MASP1: variants seen among roughly 807,000 people sequenced by gnomAD.
The protein encoded by MASP1 is mannan-binding lectin serine protease 1.
In MASP1, 59 loss-of-function variants were observed where a neutral mutation model predicts 77.1. The observed-to-expected ratio is 0.77, with a 90% confidence interval of 0.62 to 0.95. MASP1 has a LOEUF of 0.95. Ranked by LOEUF, MASP1 falls within the 40% of genes least tolerant of loss-of-function variation. The probability of loss-of-function intolerance (pLI) is 0.00; values close to 1 mark genes in which losing one functional copy is unlikely to be tolerated. For synonymous variants in MASP1, 362 were observed against 354.5 expected (o/e 1.02, Z -0.24); for missense variants, 885 against 912.9 (o/e 0.97, Z 0.39).
At chr3:187,286,497 G>T (rs919458440) in intron 1 of MASP1, among the ~76,000 whole-genome samples, 1 of 152,126 alleles carries the variant, frequency 6.6e-6, no homozygotes, top group Non-Finnish European at 1.5e-5. Flanking sequence ...CAGATTTAAC[G>T]TTGAAAATGG....
intron 2 of MASP1, among the ~76,000 whole-genome samples, chr3:187,264,375 T>C (rs1715842540): frequency 6.6e-6 from 1 of 152,190 alleles, no homozygotes; most frequent in Non-Finnish European, 1.5e-5. Flanking sequence ...GTCACTTCCT[T>C]GAACCTCCCA....
intron 11 of MASP1, among the ~76,000 whole-genome samples, chr3:187,226,924 T>C (rs1178605477): frequency 2.6e-5 from 4 of 152,182 alleles, no homozygotes; most frequent in Non-Finnish European, 4.4e-5. Context: ...TGGAGGCTTC[T>C]TAGAAATGAA....
At chr3:187,243,882 A>G (rs1340123074) in intron 8 of MASP1, 2 of 520,856 alleles carry the variant, frequency 3.8e-6, no homozygotes, top group African/African-American at 3.8e-5. Context: ...AATTTTGGGT[A>G]GGGGAAGGTC....
At chr3:187,270,439 C>T (rs1459575589) in intron 2 of MASP1, among the ~76,000 whole-genome samples, 1 of 152,160 alleles carries the variant, frequency 6.6e-6, no homozygotes, top group African/African-American at 2.4e-5. Flanking sequence ...AGCAAGAATC[C>T]TGTTAGGTCA....
At chr3:187,220,496 C>CTTTTTTTTTTTTTTTTTTTTTTCTTTTT (rs376566294) in intron 15 of MASP1, among the ~76,000 whole-genome samples, 2 of 127,766 alleles carry the variant, frequency 1.6e-5, no homozygotes, top group African/African-American at 6.1e-5. Flanking sequence ...TTTTTTCTTT[C>CTTTTTTTTTTTTTTTTTTTTTTCTTTTT]TTTTTTTTTT....
chr3:187,275,845 C>T (rs698103), intron 2 of MASP1, among the ~76,000 whole-genome samples: 114,995 of 150,174 alleles, frequency 0.77, 45,084 homozygotes, highest in East Asian at 0.89. Context: ...TTTTCACAAA[C>T]GTAAAAAGTG....
intron 2 of MASP1, among the ~76,000 whole-genome samples, chr3:187,278,742 A>G (rs370520378): frequency 6.6e-6 from 1 of 152,044 alleles, no homozygotes; most frequent in East Asian, 1.9e-4. Context: ...TGTGGAGTTT[A>G]CCTCTGCACA....
intron 5 of MASP1, among the ~76,000 whole-genome samples, chr3:187,253,648 C>T (rs577264568): frequency 6.6e-6 from 1 of 152,194 alleles, no homozygotes; most frequent in Non-Finnish European, 1.5e-5. Context: ...CTGTGGAATA[C>T]TATGCATCCA....
At chr3:187,274,523 ACCT>A (rs1226691461) in intron 2 of MASP1, among the ~76,000 whole-genome samples, 3 of 152,136 alleles carry the variant, frequency 2.0e-5, no homozygotes, top group Non-Finnish European at 4.4e-5. Context: ...ACATGAAAAG[ACCT>A]CAAGTCTATA....
chr3:187,285,338 C>T (rs971208068), intron 2 of MASP1, among the ~76,000 whole-genome samples: 7 of 152,152 alleles, frequency 4.6e-5, no homozygotes, highest in African/African-American at 1.4e-4. Context: ...AAGAATCTCG[C>T]CTCCACTCAC....
At chr3:187,232,546 T>C (rs952737415), downstream of MASP1, among the ~76,000 whole-genome samples, 20 of 152,160 alleles carry the variant, frequency 1.3e-4, no homozygotes, top group African/African-American at 4.8e-4. Flanking sequence ...TTTCCAGATG[T>C]CTGCTAATGT....
chr3:187,241,692 G>T, intron 9 of MASP1, 137 bp from the exon 10 acceptor site: 2 of 674,644 alleles, frequency 3.0e-6, no homozygotes, highest in Non-Finnish European at 5.5e-6. Context: ...GCTCAGATAC[G>T]ATTGTCTCTG....
intron 5 of MASP1, among the ~76,000 whole-genome samples, chr3:187,253,769 A>C (rs1714831277): frequency 6.6e-6 from 1 of 152,136 alleles, no homozygotes; most frequent in South Asian, 2.1e-4. Context: ...GTTCTCACTC[A>C]TAAGTGGGAG....
downstream of MASP1, among the ~76,000 whole-genome samples, chr3:187,231,606 G>A (rs2108508111): frequency 6.6e-6 from 1 of 152,328 alleles, no homozygotes; most frequent in African/African-American, 2.4e-5. Context: ...TACAGAGTAG[G>A]ATACTATTTT....
rs968526454 is a variant in MASP1 at position 187,253,081 on chromosome 3, C to A, written c.892+87G>T. ...GTCCCATCAGGTCTCCAGAGGAGAT[C>A]CAAGCCTGCACACCTCCTCCCTCAG... On this transcript the variant is annotated intron_variant, in intron 6 of 10. Transcript: ENST00000296280. The A allele has an allele frequency of 3.2e-6, 5 of 1,572,598 alleles. No individual in the cohort carries two copies. In the African/African-American group the frequency reaches 4.1e-5, roughly 13 times the overall value.
At chr3:187,286,499 T>G (rs1266303604) in intron 1 of MASP1, among the ~76,000 whole-genome samples, 1 of 152,218 alleles carries the variant, frequency 6.6e-6, no homozygotes, top group Non-Finnish European at 1.5e-5. Flanking sequence ...GATTTAACGT[T>G]GAAAATGGTA....
chr3:187,238,975 C>T (rs698089), intron 10 of MASP1, among the ~76,000 whole-genome samples: 146,587 of 152,198 alleles, frequency 0.96, 70,824 homozygotes, highest in East Asian at 1. Context: ...CTGCCCAACA[C>T]TGGGTGTTAA....
chr3:187,225,209 G>A (rs1207205901), intron 13 of MASP1: 2 of 1,194,332 alleles, frequency 1.7e-6, no homozygotes, highest in East Asian at 4.9e-5. Context: ...AGCAGTTGGT[G>A]AGTCAAGCAG....
intron 2 of MASP1, among the ~76,000 whole-genome samples, chr3:187,271,772 G>A (rs1264965765): frequency 6.6e-6 from 1 of 152,104 alleles, no homozygotes; most frequent in Non-Finnish European, 1.5e-5. Flanking sequence ...CACACAGGAA[G>A]GGCAACTTAA....
Sources: allele counts gnomAD v4.1 joint callset (sites outside exome capture counted in the v4.1 genomes callset), GRCh38; gene constraint gnomAD v4.1.1; transcripts MANE v1.5; gene names NCBI Gene and HGNC (gene_info 2026-07-23, HGNC 2026-07-21).